SLC9A9: variants seen among roughly 807,000 people sequenced by gnomAD.
The protein encoded by SLC9A9 is solute carrier family 9 member A9.
SLC9A9 carries 62 observed loss-of-function variants against 77.8 expected under a neutral mutation model. The observed-to-expected ratio is 0.80, with a 90% CI of 0.65 to 0.98. The LOEUF (loss-of-function observed/expected upper bound fraction) is 0.98. Ranked by LOEUF, SLC9A9 falls within the 50% of genes least tolerant of loss-of-function variation. The pLI, the probability that SLC9A9 is intolerant of heterozygous loss-of-function variation, is 0.00. For missense variants in SLC9A9, 775 were observed against 774.9 expected, an observed-to-expected ratio of 1.00 and a Z score of 0.00; for synonymous variants, 320 against 283.5, an observed-to-expected ratio of 1.13 and a Z score of -1.29.
At chr3:143,845,190 C>A (rs147959966) in intron 1 of SLC9A9, among the ~76,000 whole-genome samples, 1 of 152,102 alleles carries the variant, frequency 6.6e-6, no homozygotes, top group Non-Finnish European at 1.5e-5. Flanking sequence ...ACTAATTACA[C>A]GACTTTTATC....
intron 8 of SLC9A9, among the ~76,000 whole-genome samples, chr3:143,564,918 G>A (rs1321353668): frequency 6.6e-6 from 1 of 152,092 alleles, no homozygotes; most frequent in Non-Finnish European, 1.5e-5. Flanking sequence ...ATTATCTTGA[G>A]GTCTGGAGAA....
intron 14 of SLC9A9, among the ~76,000 whole-genome samples, chr3:143,328,438 G>A (rs1477640023): frequency 6.6e-6 from 1 of 152,232 alleles, no homozygotes; most frequent in Non-Finnish European, 1.5e-5. Context: ...CACAGCAACA[G>A]TGAACCATAA....
At chr3:143,399,643 G>A (rs530105337) in intron 12 of SLC9A9, among the ~76,000 whole-genome samples, 1 of 152,240 alleles carries the variant, frequency 6.6e-6, no homozygotes, top group South Asian at 2.1e-4. Flanking sequence ...AACAGAATTA[G>A]CATCAATTTG....
intron 12 of SLC9A9, among the ~76,000 whole-genome samples, chr3:143,449,843 A>T (rs375152295): frequency 0.41 from 31,136 of 75,292 alleles, 7,196 homozygotes; most frequent in East Asian, 0.51. Flanking sequence ...TATATGTATT[A>T]TATATATATA....
chr3:143,606,527 G>A lies in SLC9A9; in HGVS notation c.756-27804C>T, dbSNP rs1183023667. ...AACATTAAAAAGAAGAGCTAGTAGT[G>A]TAAAAAGATAGAAACAGAACAGCCT... On this transcript the variant is annotated intron_variant, in intron 6 of 15. Transcript: ENST00000316549. Among the ~76,000 whole-genome samples the A allele has an allele frequency of 2.0e-5, 3 of 147,550 alleles. No individual in the cohort carries two copies. In the Admixed American group the frequency reaches 2.0e-4, roughly 10 times the overall value.
intron 12 of SLC9A9, among the ~76,000 whole-genome samples, chr3:143,464,792 C>G (rs1353237005): frequency 2.6e-5 from 4 of 152,208 alleles, no homozygotes; most frequent in Non-Finnish European, 5.9e-5. Flanking sequence ...AATGAGCCCT[C>G]TAAGTGGTTC....
At chr3:143,809,535 A>C (rs1299888878) in intron 2 of SLC9A9, among the ~76,000 whole-genome samples, 2 of 152,200 alleles carry the variant, frequency 1.3e-5, no homozygotes, top group Non-Finnish European at 1.5e-5. Context: ...GGAATTCCAC[A>C]TGTCATTCTC....
rs768591158 is a variant in SLC9A9 at position 143,268,954 on chromosome 3, G to A, written c.1631C>T (p.Ser544Phe). 1 of 1,613,604 alleles carries A rather than the reference G, an allele frequency of 6.2e-7. No individual in the cohort carries two copies. Among genetic ancestry groups the A allele is most frequent in the East Asian group, 2.2e-5 (1 of 44,828 alleles). The change falls in exon 15 of 16, where the codon TCT (serine) becomes TTT (phenylalanine). Residue 544 changes from serine to phenylalanine, a missense_variant. Ser to Phe is a radical substitution (Grantham distance 155). Transcript: ENST00000316549. ...TAATGTTGTAGTCAGCGGAGGACCA[G>A]AGTGGGTTAAAATTGGTTTCAGATA... ...HKYLKPILTHSGPPLTTTLPE... is the reference protein window; with the variant it reads ...HKYLKPILTHFGPPLTTTLPE...
chr3:143,269,035 T>TAC, intron 14 of SLC9A9, 55 bp from the exon 15 acceptor site: 1 of 1,290,338 alleles, frequency 7.7e-7, no homozygotes, highest in Non-Finnish European at 1.1e-6. Flanking sequence ...TTAGGAATCT[T>TAC]ACGCTGCACA....
chr3:143,489,836 T>C (rs74802084), intron 11 of SLC9A9, among the ~76,000 whole-genome samples: 2,242 of 152,008 alleles, frequency 0.015, 41 homozygotes, highest in East Asian at 0.12. Context: ...TGACAAAAGA[T>C]CCCATTTAAA....
intron 5 of SLC9A9, among the ~76,000 whole-genome samples, chr3:143,673,627 GTTAA>G (rs1163320456): frequency 6.6e-6 from 1 of 151,716 alleles, no homozygotes; most frequent in Non-Finnish European, 1.5e-5. Context: ...TAATTATATT[GTTAA>G]TTAATAATAT....
chr3:143,323,585 G>A (rs1307770149), intron 14 of SLC9A9, among the ~76,000 whole-genome samples: 1 of 152,034 alleles, frequency 6.6e-6, no homozygotes, highest in East Asian at 1.9e-4. Flanking sequence ...GTGTGGGGAG[G>A]GGGAAGATGA....
chr3:143,276,992 G>GT (rs1466178824), intron 14 of SLC9A9, among the ~76,000 whole-genome samples: 1 of 152,186 alleles, frequency 6.6e-6, no homozygotes, highest in Non-Finnish European at 1.5e-5. Context: ...GGTATTGGGA[G>GT]TTGGTTTTAG....
chr3:143,303,992 G>A (rs2030655567), intron 14 of SLC9A9, among the ~76,000 whole-genome samples: 1 of 152,114 alleles, frequency 6.6e-6, no homozygotes, highest in Non-Finnish European at 1.5e-5. Flanking sequence ...ACATTTACTG[G>A]CACAGATTTC....
At chr3:143,532,883 G>A (rs1008753427) in intron 9 of SLC9A9, among the ~76,000 whole-genome samples, 1 of 152,122 alleles carries the variant, frequency 6.6e-6, no homozygotes, top group Non-Finnish European at 1.5e-5. Context: ...TCTTGCCAAC[G>A]CCTTTTGCCT....
intron 14 of SLC9A9, among the ~76,000 whole-genome samples, chr3:143,330,587 TCAAACA>T (rs1231326975): frequency 1.3e-5 from 2 of 152,226 alleles, no homozygotes; most frequent in Admixed American, 6.5e-5. Context: ...TTCCTGGGTG[TCAAACA>T]CATACTGTTT....
chr3:143,309,267 A>AATGGG (rs2030928796), intron 14 of SLC9A9, among the ~76,000 whole-genome samples: 1 of 152,182 alleles, frequency 6.6e-6, no homozygotes, highest in African/African-American at 2.4e-5. Flanking sequence ...AGGGTCATAT[A>AATGGG]ATGGGATAGG....
At chr3:143,312,270 T>G (rs916271655) in intron 14 of SLC9A9, among the ~76,000 whole-genome samples, 18 of 152,316 alleles carry the variant, frequency 1.2e-4, no homozygotes, top group Admixed American at 3.3e-4. Flanking sequence ...TAAACTTTGG[T>G]GGAAAAACAA....
intron 2 of SLC9A9, among the ~76,000 whole-genome samples, chr3:143,827,911 C>T (rs2009340226): frequency 6.6e-6 from 1 of 152,222 alleles, no homozygotes; most frequent in South Asian, 2.1e-4. Flanking sequence ...TCTTCCTCAA[C>T]TCTGACCTCC....
Sources: gnomAD v4.1 joint callset for allele counts (sites outside exome capture counted in the v4.1 genomes callset) on GRCh38, gnomAD v4.1.1 for gene constraint, MANE v1.5 for transcripts, NCBI Gene and HGNC (gene_info 2026-07-23, HGNC 2026-07-21) for gene names.